The following KLHL32 variants were observed in gnomAD, a reference collection of about 807,000 sequenced individuals.
KLHL32 encodes the protein kelch-like protein 32.
In KLHL32, 35 loss-of-function variants were observed where a neutral mutation model predicts 64.8. The observed-to-expected ratio is 0.54, with a 90% CI of 0.41 to 0.72. KLHL32 has a LOEUF of 0.72. KLHL32 is among the 30% of genes least tolerant of loss of function. The pLI, the probability that KLHL32 is intolerant of heterozygous loss-of-function variation, is 0.00. For synonymous variants in KLHL32, 259 were observed against 281.0 expected (o/e 0.92, Z 0.78); for missense variants, 589 against 768.5 (o/e 0.77, Z 2.76).
intron 3 of KLHL32, among the ~76,000 whole-genome samples, chr6:97,004,716 G>A (rs1429575898): frequency 6.6e-6 from 1 of 152,084 alleles, no homozygotes; most frequent in East Asian, 1.9e-4. Flanking sequence ...AGCCTTTTCT[G>A]CATCTATTAG....
rs1797522642 is a variant in KLHL32 at position 97,113,932 on chromosome 6, C to T, written c.777C>T (p.Ala259=). ...TCCAAGCAAGTGAGACTGCAACAGC[C>T]CTTGTCAACGAGGCCCTGGAATACC... ...PLVQASETAT[A]LVNEALEYHQ... The change falls in exon 7 of 11, where the codon GCC becomes GCT. Residue 259 remains alanine (A), a synonymous_variant. Transcript: ENST00000369261. 1 of 1,614,138 alleles carries T rather than the reference C, an allele frequency of 6.2e-7. No individual in the cohort carries two copies. The highest frequency in any genetic ancestry group is 8.5e-7 in the Non-Finnish European group (1 of 1,180,030).
intron 3 of KLHL32, among the ~76,000 whole-genome samples, chr6:97,015,871 C>A (rs989910109): frequency 6.6e-6 from 1 of 152,052 alleles, no homozygotes; most frequent in Admixed American, 6.6e-5. Context: ...GGGACTTGGT[C>A]CCCTGCATCT....
At chr6:97,055,699 G>A (rs1787684074) in intron 4 of KLHL32, among the ~76,000 whole-genome samples, 1 of 149,234 alleles carries the variant, frequency 6.7e-6, no homozygotes, top group African/African-American at 2.5e-5. Flanking sequence ...TTGAGAGGTT[G>A]ACGTGAAAGA....
intron 3 of KLHL32, among the ~76,000 whole-genome samples, chr6:97,036,671 G>C (rs1300341873): frequency 6.6e-6 from 1 of 152,190 alleles, no homozygotes; most frequent in Non-Finnish European, 1.5e-5. Context: ...CACTGGTTTT[G>C]GGGATTGTGT....
chr6:96,905,604 C>G, the KLHL32 span, among the ~76,000 whole-genome samples: 1 of 152,252 alleles, frequency 6.6e-6, no homozygotes, highest in Non-Finnish European at 1.5e-5. Context: ...GGAAATATAA[C>G]AATACTACTT....
At chr6:97,111,454 C>T (rs546550764) in intron 6 of KLHL32, among the ~76,000 whole-genome samples, 20 of 152,308 alleles carry the variant, frequency 1.3e-4, no homozygotes, top group South Asian at 2.1e-4. Flanking sequence ...AGGTAAACTT[C>T]ACTCACTCGA....
At chr6:96,911,921 G>A in the KLHL32 span, among the ~76,000 whole-genome samples, 11 of 136,618 alleles carry the variant, frequency 8.1e-5, no homozygotes, top group East Asian at 1.8e-3. Context: ...GGCTCTTGGC[G>A]CTCCTCACTC....
chr6:97,104,705 A>G (rs1445149131), intron 6 of KLHL32, among the ~76,000 whole-genome samples: 3 of 152,236 alleles, frequency 2.0e-5, no homozygotes, highest in Non-Finnish European at 2.9e-5. Context: ...CTGTCTTACA[A>G]GGAAAATGTT....
rs183410584 is a variant in KLHL32 at position 96,989,459 on chromosome 6, A to C, written c.204+13282A>C. 7.3e-4 allele frequency among the ~76,000 whole-genome samples: 111 copies of C among 152,294 alleles called. 1 individual carries two copies. The highest frequency in any genetic ancestry group is 4.7e-3 in the Admixed American group (72 of 15,296). On this transcript the variant is annotated intron_variant, in intron 3 of 10. Transcript: ENST00000369261. Reference sequence around the variant, plus strand: ...TCAGGCTTGTAGGGTTTCTTTTGAAAGGCATGCTGTTAGCTTGATGGGTTT... The same window carrying C: ...TCAGGCTTGTAGGGTTTCTTTTGAACGGCATGCTGTTAGCTTGATGGGTTT...
chr6:97,109,939 A>G (rs1796900391), intron 6 of KLHL32, among the ~76,000 whole-genome samples: 1 of 152,230 alleles, frequency 6.6e-6, no homozygotes, highest in Admixed American at 6.5e-5. Context: ...CCTGGTGCAT[A>G]AGAAATGACC....
chr6:97,031,220 C>T (rs974261535), intron 3 of KLHL32, among the ~76,000 whole-genome samples: 2 of 152,144 alleles, frequency 1.3e-5, no homozygotes, highest in East Asian at 3.9e-4. Context: ...GAGGCTCTTC[C>T]TAATTGAGAT....
At chr6:96,898,692 C>T in the KLHL32 span, among the ~76,000 whole-genome samples, 1 of 151,150 alleles carries the variant, frequency 6.6e-6, no homozygotes, top group East Asian at 1.9e-4. Context: ...AATAAGACGT[C>T]AGAAAAAAAA....
At chr6:97,108,688 C>A (rs527985702) in intron 6 of KLHL32, among the ~76,000 whole-genome samples, 1 of 152,252 alleles carries the variant, frequency 6.6e-6, no homozygotes, top group East Asian at 1.9e-4. Context: ...AACACTTTTA[C>A]ATTTATGTGT....
chr6:96,974,584 G>A lies in KLHL32; in HGVS notation c.24-1413G>A, dbSNP rs536379259. On this transcript the variant is annotated intron_variant, in intron 2 of 10. Transcript: ENST00000369261. The stretch of plus-strand genomic sequence containing the variant: ...CACAGGAACTTCCTATATCATCACC[G>A]TCTGTCAAGTTTTTTCTTTCCATAT... Among the ~76,000 whole-genome samples the A allele has an allele frequency of 1.2e-4, 18 of 152,124 alleles. No homozygotes were observed. The South Asian group carries it at 3.3e-3, about 28-fold the overall frequency.
intron 6 of KLHL32, among the ~76,000 whole-genome samples, chr6:97,111,689 G>A (rs1797168062): frequency 6.6e-6 from 1 of 152,126 alleles, no homozygotes; most frequent in South Asian, 2.1e-4. Flanking sequence ...CTCAGTGGAG[G>A]GTCACCCTCT....
chr6:96,994,475 G>C, intron 3 of KLHL32: 1 of 984,018 alleles, frequency 1.0e-6, no homozygotes, highest in African/African-American at 1.7e-5. Flanking sequence ...GTATAAAGTA[G>C]ATTTTTGTGC....
At chr6:96,911,530 T>C in the KLHL32 span, among the ~76,000 whole-genome samples, 3 of 152,148 alleles carry the variant, frequency 2.0e-5, no homozygotes, top group Non-Finnish European at 4.4e-5. Context: ...CAGTGCTGTC[T>C]CCTCTACCTT....
chr6:97,100,965 G>GTTTTTTT (rs1562337104), intron 6 of KLHL32, among the ~76,000 whole-genome samples: 84 of 43,168 alleles, frequency 1.9e-3, no homozygotes, highest in South Asian at 5.9e-3. Context: ...CTGCAGCCAA[G>GTTTTTTT]CTTTTTTTTT....
intron 10 of KLHL32, among the ~76,000 whole-genome samples, chr6:97,134,001 TAAC>T (rs1799717120): frequency 6.6e-6 from 1 of 151,432 alleles, no homozygotes; most frequent in Non-Finnish European, 1.5e-5. Context: ...AGTTAGAACT[TAAC>T]AAAAAAAAAC....
Sources: gnomAD v4.1 joint callset for allele counts (sites outside exome capture counted in the v4.1 genomes callset) on GRCh38, gnomAD v4.1.1 for gene constraint, MANE v1.5 for transcripts, NCBI Gene and HGNC (gene_info 2026-07-23, HGNC 2026-07-21) for gene names.